The following FBXO34 variants were observed in gnomAD, a reference collection of about 807,000 sequenced individuals.
FBXO34 encodes the protein F-box protein 34.
Under a neutral mutation model 24.5 loss-of-function variants are expected in FBXO34, and 12 were observed. The ratio of observed to expected loss-of-function variants is 0.49; its 90% CI spans 0.31 to 0.79. The LOEUF (loss-of-function observed/expected upper bound fraction) is 0.79, where lower values mean the gene tolerates loss of function less well. FBXO34 is among the 30% of genes least tolerant of loss of function. FBXO34 has a pLI of 0.04. For missense variants in FBXO34, 823 were observed against 857.7 expected (o/e 0.96, Z 0.51); for synonymous variants, 320 against 311.9 (o/e 1.03, Z -0.27).
intron 1 of FBXO34, among the ~76,000 whole-genome samples, chr14:55,323,137 A>C (rs1883203310): frequency 7.8e-6 from 1 of 128,106 alleles, no homozygotes; most frequent in African/African-American, 3.0e-5. Flanking sequence ...GTGACCTGAG[A>C]TCACACCACT....
the FBXO34 span, among the ~76,000 whole-genome samples, chr14:55,398,355 A>AT: frequency 1.3e-5 from 2 of 152,110 alleles, no homozygotes; most frequent in Non-Finnish European, 2.9e-5. Context: ...GTTTAAGGTG[A>AT]TAACTCAGGT....
At chr14:55,341,246 C>G (rs544732985) in intron 1 of FBXO34, among the ~76,000 whole-genome samples, 1 of 152,120 alleles carries the variant, frequency 6.6e-6, no homozygotes, top group Non-Finnish European at 1.5e-5. Context: ...TTGCTGAAGA[C>G]AAGCCAGGGT....
downstream of FBXO34, among the ~76,000 whole-genome samples, chr14:55,372,780 C>T (rs1488804386): frequency 6.6e-6 from 1 of 152,126 alleles, no homozygotes; most frequent in Non-Finnish European, 1.5e-5. Flanking sequence ...CTTCTCCAAT[C>T]CTGGGGTCTT....
the FBXO34 span, chr14:55,396,069 A>C: frequency 9.9e-7 from 1 of 1,008,310 alleles, no homozygotes; most frequent in Non-Finnish European, 1.4e-6. Flanking sequence ...ACTTAAAATT[A>C]AGTCCTTAGA....
chr14:55,371,588 C>T (rs1884817706), downstream of FBXO34, among the ~76,000 whole-genome samples: 1 of 151,848 alleles, frequency 6.6e-6, no homozygotes, highest in Non-Finnish European at 1.5e-5. Flanking sequence ...GGGCAGATCA[C>T]GAGGTCAGGA....
chr14:55,303,623 G>T (rs1172984845), intron 1 of FBXO34, among the ~76,000 whole-genome samples: 1 of 145,052 alleles, frequency 6.9e-6, no homozygotes, highest in Non-Finnish European at 1.5e-5. Context: ...TAGTTGTAAA[G>T]TTTCTGGGAA....
the FBXO34 span, chr14:55,435,940 G>T: frequency 6.7e-7 from 1 of 1,490,808 alleles, no homozygotes. Flanking sequence ...TATTCCTGAA[G>T]AAATAAGTCA....
chr14:55,289,555 GAA>G (rs1444856684), intron 1 of FBXO34, among the ~76,000 whole-genome samples: 11 of 152,050 alleles, frequency 7.2e-5, no homozygotes, highest in Non-Finnish European at 4.4e-5. Flanking sequence ...ATGACAGAAA[GAA>G]AGAGGTCTTG....
At chr14:55,272,913 G>T (rs764340657) in intron 1 of FBXO34, among the ~76,000 whole-genome samples, 1 of 152,166 alleles carries the variant, frequency 6.6e-6, no homozygotes, top group Non-Finnish European at 1.5e-5. Flanking sequence ...ATAAAAAAAT[G>T]ATTTGTCTGT....
At chr14:55,401,679 T>C in the FBXO34 span, among the ~76,000 whole-genome samples, 1 of 152,176 alleles carries the variant, frequency 6.6e-6, no homozygotes, top group Non-Finnish European at 1.5e-5. Context: ...AGGTACTCCC[T>C]TAAACTGACT....
chr14:55,391,020 A>C, the FBXO34 span: 1 of 1,526,086 alleles, frequency 6.6e-7, no homozygotes, highest in Non-Finnish European at 9.0e-7. Flanking sequence ...TAAATATCAC[A>C]AACGTTGGTC....
intron 1 of FBXO34, among the ~76,000 whole-genome samples, chr14:55,315,826 C>T (rs1033636351): frequency 5.9e-5 from 9 of 152,292 alleles, no homozygotes; most frequent in African/African-American, 1.9e-4. Context: ...GTACTTGATG[C>T]TGAGTACTTG....
In FBXO34 at chr14:55,351,357, G is replaced by T; in HGVS notation, c.967G>T (p.Ala323Ser). 1.9e-6 allele frequency: 3 copies of T among 1,614,192 alleles called. No individual in the cohort carries two copies. Among genetic ancestry groups the T allele is most frequent in the Non-Finnish European group, 2.5e-6 (3 of 1,180,042 alleles). Residue 323 changes from alanine (A) to serine (S), a missense_variant, in exon 2 of 2, where the codon GCT (alanine) becomes TCT (serine). By Grantham distance (99) the Ala-to-Ser change is moderately conservative. Transcript: ENST00000313833. ...GRVLLANSTQ[A>S]DEGKTKKGVL... ...AGTATTGCTTGCAAATAGCACTCAG[G>T]CTGATGAAGGCAAAACAAAGAAAGG...
the FBXO34 span, among the ~76,000 whole-genome samples, chr14:55,383,959 G>A: frequency 1.3e-5 from 2 of 152,180 alleles, no homozygotes; most frequent in Admixed American, 6.5e-5. Flanking sequence ...GCTGCACCAA[G>A]TTTAGATTCT....
At chr14:55,421,484 G>C in the FBXO34 span, among the ~76,000 whole-genome samples, 2 of 152,146 alleles carry the variant, frequency 1.3e-5, no homozygotes, top group African/African-American at 2.4e-5. Flanking sequence ...TTTTAATTAA[G>C]ATGAAGTCTC....
the FBXO34 span, among the ~76,000 whole-genome samples, chr14:55,422,698 A>G: frequency 6.6e-6 from 1 of 152,156 alleles, no homozygotes; most frequent in East Asian, 1.9e-4. Context: ...CGAAAAATAC[A>G]AAACATTAGC....
At chr14:55,385,573 G>A in the FBXO34 span, among the ~76,000 whole-genome samples, 10 of 152,324 alleles carry the variant, frequency 6.6e-5, no homozygotes, top group Middle Eastern at 3.4e-3. Flanking sequence ...GATTATAGGC[G>A]TGAGCCACCA....
At chr14:55,313,126 C>T (rs1211163637) in intron 1 of FBXO34, among the ~76,000 whole-genome samples, 2 of 152,178 alleles carry the variant, frequency 1.3e-5, no homozygotes, top group African/African-American at 4.8e-5. Context: ...AAGTCACCTC[C>T]TAAGCTTTGC....
At chr14:55,367,526 T>G (rs111263526) in exon 3 of FBXO34, 1 of 152,330 alleles carries the variant, frequency 6.6e-6, no homozygotes, top group African/African-American at 2.4e-5. Context: ...GCGGATCACC[T>G]GAAGTCAGGA....
Sources: allele counts gnomAD v4.1 joint callset (sites outside exome capture counted in the v4.1 genomes callset), GRCh38; gene constraint gnomAD v4.1.1; transcripts MANE v1.5; gene names NCBI Gene and HGNC (gene_info 2026-07-23, HGNC 2026-07-21).